Variants in EPB41L4B observed in about 807,000 individuals in gnomAD.
EPB41L4B encodes erythrocyte membrane protein band 4.1 like 4B.
EPB41L4B carries 30 observed loss-of-function variants against 112.5 expected under a neutral mutation model. The ratio of observed to expected loss-of-function variants is 0.27; its 90% CI spans 0.20 to 0.36. The LOEUF (loss-of-function observed/expected upper bound fraction) is 0.36. Ranked by LOEUF, EPB41L4B falls within the 10% of genes least tolerant of loss-of-function variation. The pLI, the probability that EPB41L4B is intolerant of heterozygous loss-of-function variation, is 1.00. For missense variants in EPB41L4B, 1,024 were observed against 1,133.3 expected (o/e 0.90, Z 1.38); for synonymous variants, 408 against 439.7 (o/e 0.93, Z 0.90).
chr9:109,239,854 C>T (rs1834291399), intron 15 of EPB41L4B: 2 of 985,436 alleles, frequency 2.0e-6, no homozygotes, highest in Non-Finnish European at 2.4e-6. Context: ...AAACACGTAC[C>T]TTTACAGGAC....
At chr9:109,284,542 A>G (rs2119153485) in intron 1 of EPB41L4B, among the ~76,000 whole-genome samples, 1 of 152,270 alleles carries the variant, frequency 6.6e-6, no homozygotes, top group Non-Finnish European at 1.5e-5. Flanking sequence ...CCTCCCCAGT[A>G]GCTAGGATTA....
At chr9:109,264,047 G>C (rs1199087715) in intron 5 of EPB41L4B, among the ~76,000 whole-genome samples, 1 of 152,110 alleles carries the variant, frequency 6.6e-6, no homozygotes, top group African/African-American at 2.4e-5. Flanking sequence ...GGTAGAGAGA[G>C]AGAGAGAGAG....
In EPB41L4B at chr9:109,182,780, A is replaced by T. The variant is rs1832113604; in HGVS notation, c.2436T>A (p.Val812=). The T allele has an allele frequency of 6.2e-7, 1 of 1,612,132 alleles. No homozygotes were observed. The highest frequency in any genetic ancestry group is 1.3e-5 in the African/African-American group (1 of 74,912). ...IKTRLIKTFP[V]DTMNPFPDTF... is the part of the protein sequence containing the mutation. Reference sequence around the variant, plus strand: ...TATCAGGAAACGGGTTCATTGTATCAACCGGGAATGTTTTTATCTTCAAAA... The same window carrying T: ...TATCAGGAAACGGGTTCATTGTATCTACCGGGAATGTTTTTATCTTCAAAA... Residue 812 remains valine (V), a synonymous_variant, in exon 24 of 26, where the codon GTT becomes GTA. Transcript: ENST00000374566.
At chr9:109,193,666 G>T (rs1564255975) in intron 21 of EPB41L4B, among the ~76,000 whole-genome samples, 1 of 152,232 alleles carries the variant, frequency 6.6e-6, no homozygotes, top group African/African-American at 2.4e-5. Flanking sequence ...TTGCCAAAGA[G>T]TAATCGTAGC....
At chr9:109,222,112 A>G (rs1391098922) in intron 15 of EPB41L4B, among the ~76,000 whole-genome samples, 1 of 152,222 alleles carries the variant, frequency 6.6e-6, no homozygotes, top group East Asian at 1.9e-4. Context: ...AAACAGTAAA[A>G]AGATATATAT....
chr9:109,190,817 G>T (rs1832434928), intron 22 of EPB41L4B, among the ~76,000 whole-genome samples: 2 of 152,220 alleles, frequency 1.3e-5, no homozygotes, highest in South Asian at 4.1e-4. Flanking sequence ...TGGTCCCAAG[G>T]CATTGTTCCA....
At chr9:109,282,778 C>T (rs953391764) in intron 1 of EPB41L4B, among the ~76,000 whole-genome samples, 8 of 152,078 alleles carry the variant, frequency 5.3e-5, no homozygotes, top group Non-Finnish European at 1.2e-4. Context: ...GCAACCTCTG[C>T]CTCCTGGATT....
At position 109,171,998 on chromosome 9, in the gene EPB41L4B, T is replaced by C. The variant is rs1831649302; in HGVS notation, c.*2556A>G. On this transcript the variant is annotated 3_prime_UTR_variant, in exon 26 of 26. Coordinates refer to ENST00000374566, the MANE Select transcript of EPB41L4B (RefSeq NM_019114.5). ...CTGAAACCATGGAATCCTCTTATTTTACTGGTTAGAGGTGAGCTGCCAAAG... is the reference window on the plus strand; with the variant it reads ...CTGAAACCATGGAATCCTCTTATTTCACTGGTTAGAGGTGAGCTGCCAAAG... The C allele has an allele frequency of 6.6e-6, 1 of 152,170 alleles. No homozygotes were observed. The highest frequency in any genetic ancestry group is 1.5e-5 in the Non-Finnish European group (1 of 68,036). 9.4% of individuals were successfully genotyped at this position (152,170 alleles called of 1,614,324 possible). A position where few individuals can be genotyped will look rare whatever the true frequency, so the allele number is the denominator to read the frequency against.
intron 1 of EPB41L4B, among the ~76,000 whole-genome samples, chr9:109,304,011 C>G (rs1014986914): frequency 1.3e-5 from 2 of 152,140 alleles, no homozygotes; most frequent in African/African-American, 4.8e-5. Flanking sequence ...AAGAATGAAG[C>G]AGATGGATGC....
chr9:109,256,308 C>T (rs906861757), intron 8 of EPB41L4B, 84 bp from the exon 9 acceptor site: 1 of 1,586,834 alleles, frequency 6.3e-7, no homozygotes. Context: ...ACAGTTTCCT[C>T]ACCACAAGTT....
At chr9:109,295,975 C>T (rs1252835764) in intron 1 of EPB41L4B, among the ~76,000 whole-genome samples, 3 of 152,124 alleles carry the variant, frequency 2.0e-5, no homozygotes, top group African/African-American at 4.8e-5. Context: ...TGTCTCTGTG[C>T]CAGAGGTTGA....
At chr9:109,209,017 A>C (rs905594329) in intron 17 of EPB41L4B, among the ~76,000 whole-genome samples, 1 of 152,190 alleles carries the variant, frequency 6.6e-6, no homozygotes. Context: ...TCAGTTCAGT[A>C]ATATTAGGAC....
intron 13 of EPB41L4B, 70 bp downstream of exon 13, chr9:109,251,411 A>G: frequency 6.8e-7 from 1 of 1,474,008 alleles, no homozygotes; most frequent in Non-Finnish European, 9.5e-7. Flanking sequence ...TAGTAAGGAA[A>G]AAGTCAACAT....
At chr9:109,280,436 T>C (rs1175303910) in intron 1 of EPB41L4B, among the ~76,000 whole-genome samples, 1 of 152,180 alleles carries the variant, frequency 6.6e-6, no homozygotes. Context: ...CAAACTCAAA[T>C]TCCAGGTTCA....
At chr9:109,306,783 A>T (rs951273251) in intron 1 of EPB41L4B, among the ~76,000 whole-genome samples, 1 of 152,200 alleles carries the variant, frequency 6.6e-6, no homozygotes, top group Non-Finnish European at 1.5e-5. Context: ...CTGTTGTATT[A>T]ACTTATTAAT....
intron 15 of EPB41L4B, among the ~76,000 whole-genome samples, chr9:109,221,837 G>A (rs1427763984): frequency 6.6e-6 from 1 of 152,204 alleles, no homozygotes; most frequent in Non-Finnish European, 1.5e-5. Flanking sequence ...GAGTTGGAAA[G>A]CTTTGAGTAA....
intron 1 of EPB41L4B, among the ~76,000 whole-genome samples, chr9:109,290,748 T>C (rs1409011219): frequency 6.8e-6 from 1 of 146,668 alleles, no homozygotes; most frequent in African/African-American, 2.5e-5. Context: ...CACATACATA[T>C]ATATACCTCA....
chr9:109,216,647 CAA>C (rs10568620), intron 16 of EPB41L4B, among the ~76,000 whole-genome samples: 76,564 of 132,376 alleles, frequency 0.58, 21,534 homozygotes, highest in African/African-American at 0.69. Context: ...GACTCCATCT[CAA>C]AAAAAAAAAA....
intron 2 of EPB41L4B, among the ~76,000 whole-genome samples, chr9:109,274,705 G>C (rs1414524967): frequency 6.6e-6 from 1 of 152,176 alleles, no homozygotes; most frequent in African/African-American, 2.4e-5. Flanking sequence ...ATAGCCAAGT[G>C]GAAAGTGCTG....
Sources: gnomAD v4.1 joint callset for allele counts (sites outside exome capture counted in the v4.1 genomes callset) on GRCh38, gnomAD v4.1.1 for gene constraint, MANE v1.5 for transcripts, NCBI Gene and HGNC (gene_info 2026-07-23, HGNC 2026-07-21) for gene names.